The following PCCB variants were observed in gnomAD, a reference collection of about 807,000 sequenced individuals.
PCCB encodes the protein propionyl-CoA carboxylase subunit beta, also known as propionyl-CoA carboxylase beta chain, mitochondrial.
A neutral mutation model predicts 60.7 loss-of-function variants in PCCB; 43 were observed. The ratio of observed to expected loss-of-function variants is 0.71; its 90% confidence interval spans 0.55 to 0.91. The LOEUF is 0.91. PCCB is among the 40% of genes least tolerant of loss of function. The pLI is 0.00. For missense variants in PCCB, 766 were observed against 702.8 expected, an observed-to-expected ratio of 1.09 and a Z score of -1.02; for synonymous variants, 276 against 255.9, an observed-to-expected ratio of 1.08 and a Z score of -0.75.
At position 136,293,810 on chromosome 3, in the gene PCCB, G is replaced by A. The variant is rs765100012; in HGVS notation, c.709G>A (p.Glu237Lys). 6.2e-7 allele frequency: 1 copy of A among 1,613,610 alleles called. No individual in the cohort carries two copies. The highest frequency in any genetic ancestry group is 1.3e-5 in the African/African-American group (1 of 74,894). The change falls in exon 7 of 15, where the codon GAG (glutamate) becomes AAG (lysine). Residue 237 changes from glutamate to lysine, a missense_variant. Transcript: ENST00000251654. Reference sequence around the variant, plus strand: ...TGATGTTGTGAAGTCTGTCACCAATGAGGATGTTACCCAGGAGGAGCTCGG... The same window carrying A: ...TGATGTTGTGAAGTCTGTCACCAATAAGGATGTTACCCAGGAGGAGCTCGG... ...GPDVVKSVTN[E>K]DVTQEELGGA...
At chr3:136,259,841 C>T (rs555805727) in intron 3 of PCCB, among the ~76,000 whole-genome samples, 2 of 152,192 alleles carry the variant, frequency 1.3e-5, no homozygotes, top group African/African-American at 4.8e-5. Context: ...CAGCCTCCGC[C>T]TCTTGGATTC....
intron 6 of PCCB, among the ~76,000 whole-genome samples, chr3:136,284,743 T>G (rs939129463): frequency 6.6e-6 from 1 of 152,154 alleles, no homozygotes; most frequent in Non-Finnish European, 1.5e-5. Flanking sequence ...TTCTTAGTGA[T>G]ATACCGAAAG....
chr3:136,273,597 C>CTTTTTTTT, intron 5 of PCCB, among the ~76,000 whole-genome samples: 70 of 45,210 alleles, frequency 1.5e-3, no homozygotes, highest in Non-Finnish European at 2.2e-3. Context: ...TTTCTTTTTT[C>CTTTTTTTT]TTTTTTTTTT....
intron 5 of PCCB, among the ~76,000 whole-genome samples, chr3:136,273,578 CT>C (rs56936911): frequency 0.017 from 1,027 of 59,116 alleles, 17 homozygotes; most frequent in African/African-American, 0.049. Context: ...CTTTTTCTTT[CT>C]TTTTTTTTTT....
At chr3:136,323,300 C>CA (rs1935174399) in intron 10 of PCCB, among the ~76,000 whole-genome samples, 1 of 152,152 alleles carries the variant, frequency 6.6e-6, no homozygotes, top group Non-Finnish European at 1.5e-5. Flanking sequence ...ATTTTCTCCT[C>CA]AGAGTAATTT....
rs192536253 is a variant in PCCB, at chr3:136,278,799, A to G, written c.544-5038A>G. 2.9e-4 allele frequency among the ~76,000 whole-genome samples: 44 copies of G among 152,212 alleles called. No individual in the cohort carries two copies. The East Asian group carries it at 5.8e-3, about 20-fold the overall frequency. ...GTGGAGTGTTCTCTATAGGTCTTTT[A>G]TATGTATTAGTTCATAGTGTTGTTC... On this transcript the variant is annotated intron_variant, in intron 5 of 14. Transcript: ENST00000251654.
In PCCB at chr3:136,280,859, G is replaced by A. The variant is rs558432811; in HGVS notation, c.544-2978G>A. 1.4e-4 allele frequency among the ~76,000 whole-genome samples: 22 copies of A among 152,236 alleles called. No homozygotes were observed. In the East Asian group the frequency reaches 1.5e-3, roughly 11 times the overall value. ...TGTAGAGATCAGGGCTCACTATATC[G>A]TCCAGGCTGGTCTCAAACTCTTGGC... is the stretch of plus-strand genomic sequence containing the variant. On this transcript the variant is annotated intron_variant, in intron 5 of 14. Coordinates refer to ENST00000251654, the MANE Select transcript of PCCB (RefSeq NM_000532.5).
intron 1 of PCCB, 62 bp downstream of exon 1, chr3:136,250,620 C>T (rs1237798544): frequency 5.3e-6 from 8 of 1,513,142 alleles, no homozygotes; most frequent in Admixed American, 2.0e-5. Context: ...CACTGCGTGC[C>T]CGGCTTGCGG....
intron 9 of PCCB, among the ~76,000 whole-genome samples, chr3:136,308,756 T>G (rs1218698111): frequency 6.6e-6 from 1 of 152,120 alleles, no homozygotes; most frequent in Non-Finnish European, 1.5e-5. Flanking sequence ...TGCTTAAAAT[T>G]AGAAACTTTT....
chr3:136,281,456 C>T (rs1268936772), intron 5 of PCCB, among the ~76,000 whole-genome samples: 6 of 151,668 alleles, frequency 4.0e-5, no homozygotes, highest in Non-Finnish European at 1.5e-5. Flanking sequence ...TGCTTGGTTC[C>T]TTTTCATAAT....
intron 5 of PCCB, among the ~76,000 whole-genome samples, chr3:136,280,814 G>A (rs115786801): frequency 6.6e-6 from 1 of 151,972 alleles, no homozygotes. Context: ...CACTATGCCC[G>A]ACCAACCAAA....
chr3:136,293,677 A>G, intron 6 of PCCB, 79 bp from the exon 7 acceptor site: 2 of 887,546 alleles, frequency 2.3e-6, no homozygotes. Flanking sequence ...TGCATTTGTC[A>G]TCTTGGCTGA....
rs1576341117 is a variant in PCCB at position 136,300,559 on chromosome 3, T to C, written c.885-471T>C. On this transcript the variant is annotated intron_variant, in intron 8 of 14. Coordinates refer to ENST00000251654, the MANE Select transcript of PCCB (RefSeq NM_000532.5). Reference sequence around the variant, plus strand: ...CCAGAGGGCCTGCAGTTTTGCTTTTTGAAGGAGCTTTAGCAGATTAACCTA... The same window carrying C: ...CCAGAGGGCCTGCAGTTTTGCTTTTCGAAGGAGCTTTAGCAGATTAACCTA... Among the ~76,000 whole-genome samples the C allele has an allele frequency of 2.6e-5, 4 of 152,228 alleles. No homozygotes were observed. In the South Asian group the frequency reaches 8.3e-4, roughly 32 times the overall value.
chr3:136,290,348 C>T lies in PCCB; in HGVS notation c.655-3408C>T, dbSNP rs530600779. On this transcript the variant is annotated intron_variant, in intron 6 of 14. Coordinates refer to ENST00000251654, the MANE Select transcript of PCCB (RefSeq NM_000532.5). ...CCTCAACACTTTAAATATTTCATTCCACTCTCTTCGTTCTTGCATGGTTTC... is the reference window on the plus strand; with the variant it reads ...CCTCAACACTTTAAATATTTCATTCTACTCTCTTCGTTCTTGCATGGTTTC... 7.2e-5 allele frequency among the ~76,000 whole-genome samples: 11 copies of T among 152,210 alleles called. No individual in the cohort carries two copies. The South Asian group carries it at 1.7e-3, about 23-fold the overall frequency.
chr3:136,268,065 CGTGT>C (rs111625326), intron 5 of PCCB, among the ~76,000 whole-genome samples: 19 of 78,452 alleles, frequency 2.4e-4, no homozygotes, highest in African/African-American at 5.9e-4. Context: ...TGTGTGTGTG[CGTGT>C]GTGTGTGTGT....
intron 6 of PCCB, among the ~76,000 whole-genome samples, chr3:136,291,583 T>G (rs1404484499): frequency 6.6e-6 from 1 of 152,160 alleles, no homozygotes; most frequent in African/African-American, 2.4e-5. Context: ...TCGTACTTTT[T>G]TGGTGGGACG....
At chr3:136,268,092 A>ATATATATATATATATATATGTATG (rs1942070135) in intron 5 of PCCB, among the ~76,000 whole-genome samples, 1 of 54,474 alleles carries the variant, frequency 1.8e-5, no homozygotes, top group Non-Finnish European at 3.7e-5. Context: ...GTGTAGATAT[A>ATATATATATATATATATATGTATG]TATATATATA....
chr3:136,300,154 A>G (rs1934205623), intron 8 of PCCB, among the ~76,000 whole-genome samples: 1 of 135,708 alleles, frequency 7.4e-6, no homozygotes, highest in African/African-American at 3.1e-5. Flanking sequence ...GTGTTCACAT[A>G]CATATATACA....
Position 136,250,501 on chromosome 3 carries a change from G to T in PCCB, c.126G>T (p.Lys42Asn). Reference protein sequence around the residue: ...ATSVNERIENKRRTALLGGGQ... With the variant: ...ATSVNERIENNRRTALLGGGQ... ...CTGTTAACGAACGCATCGAAAACAA[G>T]CGCCGGACCGCGCTGCTGGGAGGGG... The change falls in exon 1 of 15, where the codon AAG (lysine) becomes AAT (asparagine). Residue 42 changes from lysine (K) to asparagine (N), a missense_variant. Coordinates refer to ENST00000251654, the MANE Select transcript of PCCB (RefSeq NM_000532.5). 1 of 1,613,012 alleles carries T rather than the reference G, an allele frequency of 6.2e-7. No individual in the cohort carries two copies. The highest frequency in any genetic ancestry group is 1.1e-5 in the South Asian group (1 of 91,008).
Sources: allele counts gnomAD v4.1 joint callset (sites outside exome capture counted in the v4.1 genomes callset), GRCh38; gene constraint gnomAD v4.1.1; transcripts MANE v1.5; gene names NCBI Gene and HGNC (gene_info 2026-07-23, HGNC 2026-07-21).